The following MYO5B variants were observed in gnomAD, a reference collection of about 807,000 sequenced individuals.
MYO5B encodes the protein unconventional myosin-Vb.
In MYO5B, 143 loss-of-function variants were observed where a neutral mutation model predicts 229.3. The ratio of observed to expected loss-of-function variants is 0.62; its 90% CI spans 0.54 to 0.72. MYO5B has a LOEUF of 0.72. Among genes scored for constraint, MYO5B ranks in the 30% least tolerant of loss-of-function variants. MYO5B has a pLI of 0.00. For missense variants in MYO5B, 2,321 were observed against 2,331.0 expected, an observed-to-expected ratio of 1.00 and a Z score of 0.09; for synonymous variants, 918 against 885.2, an observed-to-expected ratio of 1.04 and a Z score of -0.66.
intron 4 of MYO5B, among the ~76,000 whole-genome samples, chr18:50,036,074 CA>C (rs1219287300): frequency 4.6e-5 from 7 of 152,176 alleles, no homozygotes; most frequent in Non-Finnish European, 1.0e-4. Flanking sequence ...TTTCCTTCTC[CA>C]AAAAGACTTT....
intron 14 of MYO5B, among the ~76,000 whole-genome samples, chr18:49,952,795 T>C (rs147294968): frequency 4.9e-4 from 74 of 152,224 alleles, no homozygotes; most frequent in Admixed American, 1.2e-3. Flanking sequence ...AAGTTTCTGC[T>C]TATAGAGAGG....
At chr18:50,027,472 C>T (rs1177067619) in intron 4 of MYO5B, among the ~76,000 whole-genome samples, 2 of 152,274 alleles carry the variant, frequency 1.3e-5, no homozygotes, top group East Asian at 3.9e-4. Flanking sequence ...AGAAATGGCA[C>T]ACCTTAAGTG....
At chr18:50,113,559 C>CAA (rs2031906222) in intron 1 of MYO5B, among the ~76,000 whole-genome samples, 1 of 152,240 alleles carries the variant, frequency 6.6e-6, no homozygotes, top group Non-Finnish European at 1.5e-5. Context: ...GCCTGAACAT[C>CAA]AAGTGTGGCC....
intron 1 of MYO5B, among the ~76,000 whole-genome samples, chr18:50,085,824 C>T (rs183138284): frequency 3.2e-4 from 49 of 151,824 alleles, no homozygotes; most frequent in African/African-American, 1.2e-3. Context: ...GACGAAAAAC[C>T]AAACACTACA....
rs372993148 is a variant in MYO5B at position 50,058,942 on chromosome 18, C to T, written c.28-3564G>A. On this transcript the variant is annotated intron_variant, in intron 1 of 39. Transcript: ENST00000285039. ...CCTTACTCGTCCATGTGGGCAGGGT[C>T]CAACTTCCAGCACCATCTCCTCACT... Among the ~76,000 whole-genome samples the T allele has an allele frequency of 8.4e-4, 128 of 152,314 alleles. 3 individuals carry two copies. The highest frequency in any genetic ancestry group is 6.8e-3 in the Middle Eastern group (2 of 294).
chr18:49,941,896 C>T (rs200357585), intron 14 of MYO5B, among the ~76,000 whole-genome samples: 955 of 113,606 alleles, frequency 8.4e-3, no homozygotes, highest in Middle Eastern at 0.015. Flanking sequence ...AAGAACAAAG[C>T]CAGAGGCATC....
intron 5 of MYO5B, among the ~76,000 whole-genome samples, chr18:49,995,431 T>TG (rs2025977434): frequency 2.4e-5 from 1 of 42,396 alleles, no homozygotes; most frequent in Non-Finnish European, 8.5e-5. Context: ...ATTTTTTTTG[T>TG]ATTTTTTTTT....
intron 7 of MYO5B, among the ~76,000 whole-genome samples, chr18:49,989,114 T>C (rs2025901813): frequency 6.6e-6 from 1 of 152,180 alleles, no homozygotes; most frequent in Non-Finnish European, 1.5e-5. Context: ...CACAACTATT[T>C]TGCTCAATGC....
intron 1 of MYO5B, among the ~76,000 whole-genome samples, chr18:50,183,742 G>A (rs1365549714): frequency 6.6e-6 from 1 of 152,024 alleles, no homozygotes; most frequent in Non-Finnish European, 1.5e-5. Context: ...ATGTGGCGGG[G>A]GTGGGAGGCG....
chr18:49,984,908 T>G lies in MYO5B; in HGVS notation c.839-83A>C, dbSNP rs147528558. On this transcript the variant is annotated intron_variant, in intron 7 of 39. Transcript: ENST00000285039. ...CGTGACCCATGAAAATTCTACTCCGTTAGCATGCTATCCCAGACTAAATTT... is the reference window on the plus strand; with the variant it reads ...CGTGACCCATGAAAATTCTACTCCGGTAGCATGCTATCCCAGACTAAATTT... 2.0e-5 allele frequency: 20 copies of G among 990,010 alleles called. No homozygotes were observed. In the African/African-American group the frequency reaches 2.9e-4, roughly 14 times the overall value. 61.3% of individuals were successfully genotyped at this position (990,010 alleles called of 1,614,324 possible).
At chr18:50,043,321 AATAT>A (rs1200886837) in intron 2 of MYO5B, among the ~76,000 whole-genome samples, 2 of 98,270 alleles carry the variant, frequency 2.0e-5, no homozygotes, top group Admixed American at 1.3e-4. Context: ...AAATATATAA[AATAT>A]ATATTTTATA....
intron 1 of MYO5B, among the ~76,000 whole-genome samples, chr18:50,086,475 T>C (rs1405399581): frequency 6.6e-6 from 1 of 152,250 alleles, no homozygotes; most frequent in Non-Finnish European, 1.5e-5. Context: ...CAGTATTCCA[T>C]TGTGGTGTGT....
rs570849955 is a variant in MYO5B, at chr18:50,089,575, CA to C, written c.28-34198del. On this transcript the variant is annotated intron_variant, in intron 1 of 39. Transcript: ENST00000285039. ...CAATAAAGTGAGACCTCATCTCTAC[CA>C]AAAAAAAAAAAAAAATCAAAAAATT... Among the ~76,000 whole-genome samples the C allele has an allele frequency of 4.7e-3, 587 of 123,802 alleles. 3 individuals carry two copies. Among genetic ancestry groups the C allele is most frequent in the South Asian group, 0.026 (98 of 3,784 alleles). The allele number at this position is 123,802 out of a possible 152,430, so 81.2% of individuals were successfully genotyped here.
At chr18:50,063,008 C>A (rs1421961062) in intron 1 of MYO5B, among the ~76,000 whole-genome samples, 2 of 152,000 alleles carry the variant, frequency 1.3e-5, no homozygotes, top group Non-Finnish European at 2.9e-5. Flanking sequence ...AATATTTGGC[C>A]CAGTATCTGG....
chr18:50,181,045 TAAA>T (rs2033066725), intron 1 of MYO5B, among the ~76,000 whole-genome samples: 1 of 152,096 alleles, frequency 6.6e-6, no homozygotes, highest in Admixed American at 6.6e-5. Context: ...GGGAAGAGAG[TAAA>T]AAGAGTATTC....
intron 1 of MYO5B, among the ~76,000 whole-genome samples, chr18:50,170,715 G>T (rs1370773301): frequency 7.9e-6 from 1 of 127,090 alleles, no homozygotes; most frequent in Admixed American, 8.5e-5. Flanking sequence ...CAAGAATTCT[G>T]AACCATGACT....
intron 27 of MYO5B, among the ~76,000 whole-genome samples, chr18:49,868,099 G>GAATT (rs56070362): frequency 6.6e-6 from 1 of 151,638 alleles, no homozygotes; most frequent in Non-Finnish European, 1.5e-5. Flanking sequence ...AAAAAAAGCA[G>GAATT]AAAAATTATA....
chr18:49,907,816 T>C (rs1598874197), intron 18 of MYO5B, among the ~76,000 whole-genome samples: 1 of 152,256 alleles, frequency 6.6e-6, no homozygotes, highest in Admixed American at 6.5e-5. Flanking sequence ...TGGGCCAGGC[T>C]GCTCGTGAAG....
At chr18:50,149,425 C>T (rs1342894180) in intron 1 of MYO5B, among the ~76,000 whole-genome samples, 1 of 152,066 alleles carries the variant, frequency 6.6e-6, no homozygotes, top group African/African-American at 2.4e-5. Context: ...TGCTACCTGA[C>T]TTCAAACTAT....
Sources: gnomAD v4.1 joint callset for allele counts (sites outside exome capture counted in the v4.1 genomes callset) on GRCh38, gnomAD v4.1.1 for gene constraint, MANE v1.5 for transcripts, NCBI Gene and HGNC (gene_info 2026-07-23, HGNC 2026-07-21) for gene names.